Variants in ASXL3 observed in about 807,000 individuals in gnomAD.
ASXL3 encodes the protein ASXL transcriptional regulator 3, also known as putative Polycomb group protein ASXL3.
Under a neutral mutation model 170.6 loss-of-function variants are expected in ASXL3, and 34 were observed. The ratio of observed to expected loss-of-function variants is 0.20; its 90% CI spans 0.15 to 0.27. The LOEUF is 0.27. ASXL3 is among the 10% of genes least tolerant of loss of function. ASXL3 has a pLI of 1.00. For missense variants in ASXL3, 2,592 were observed against 2,695.3 expected, an observed-to-expected ratio of 0.96 and a Z score of 0.85; for synonymous variants, 1,002 against 989.1, an observed-to-expected ratio of 1.01 and a Z score of -0.24.
chr18:33,626,360 T>A (rs12962581), intron 2 of ASXL3, among the ~76,000 whole-genome samples: 150,830 of 152,232 alleles, frequency 0.99, 74,726 homozygotes, highest in East Asian at 1. Context: ...CAATCAGTCT[T>A]GAGCTCTTTG....
At chr18:33,643,164 T>C (rs1413921266) in intron 2 of ASXL3, among the ~76,000 whole-genome samples, 1 of 151,918 alleles carries the variant, frequency 6.6e-6, no homozygotes, top group Non-Finnish European at 1.5e-5. Context: ...ATAATCATTC[T>C]TAGCTTCAAA....
rs755541299 is a variant in ASXL3 at position 33,743,803 on chromosome 18, G to T, written c.3955G>T (p.Asp1319Tyr). The T allele has an allele frequency of 2.5e-6, 4 of 1,613,894 alleles. No individual in the cohort carries two copies. In the African/African-American group the frequency reaches 5.3e-5, roughly 22 times the overall value. Residue 1319 changes from aspartate to tyrosine, a missense_variant, in exon 12 of 12, where the codon GAT (aspartate) becomes TAT (tyrosine). Physicochemically the swap from Asp to Tyr is radical, Grantham distance 160. Coordinates refer to ENST00000269197, the MANE Select transcript of ASXL3 (RefSeq NM_030632.3). ...GGGCTCCAGCATATCAAGCTCCATG[G>T]ATGATAAGCAGTTACTAATATCAAG... ...TEGSSISSSM[D>Y]DKQLLISSSS...
chr18:33,740,215 A>G lies in ASXL3; in HGVS notation c.2811A>G (p.Ser937=), dbSNP rs778790950. Reference sequence around the variant, plus strand: ...GTACACAGAGTCGGTTAGAAACCTCACATACTTCCAAGTCATCAGAGCCCT... The same window carrying G: ...GTACACAGAGTCGGTTAGAAACCTCGCATACTTCCAAGTCATCAGAGCCCT... ...QGSTQSRLET[S]HTSKSSEPSK... is the part of the protein sequence containing the mutation. Residue 937 remains serine, a synonymous_variant, in exon 11 of 12, where the codon TCA becomes TCG. Coordinates refer to ENST00000269197, the MANE Select transcript of ASXL3 (RefSeq NM_030632.3). 1 of 1,613,864 alleles carries G rather than the reference A, an allele frequency of 6.2e-7. No individual in the cohort carries two copies. Among genetic ancestry groups the G allele is most frequent in the Non-Finnish European group, 8.5e-7 (1 of 1,179,828 alleles).
chr18:33,675,910 T>C (rs2066417664), intron 7 of ASXL3, among the ~76,000 whole-genome samples: 1 of 151,896 alleles, frequency 6.6e-6, no homozygotes, highest in Non-Finnish European at 1.5e-5. Context: ...TTTTAAATGT[T>C]AAGTTGAAAA....
intron 5 of ASXL3, among the ~76,000 whole-genome samples, chr18:33,663,066 T>C (rs1187742267): frequency 1.3e-5 from 2 of 152,220 alleles, no homozygotes; most frequent in African/African-American, 4.8e-5. Context: ...TTTGGAAAGC[T>C]TGCCACTTAC....
At chr18:33,707,748 CTT>C (rs766121667) in intron 8 of ASXL3, among the ~76,000 whole-genome samples, 101 of 151,940 alleles carry the variant, frequency 6.6e-4, no homozygotes, top group Non-Finnish European at 1.1e-3. Context: ...TGTTTTTAAA[CTT>C]CGGTTTAAAG....
rs548234408 is a variant in ASXL3, at chr18:33,619,931, C to T, written c.137+12255C>T. ...TAACATCGTTTTTCCTTTTGAGATACGTGTCTAGGCAAAGAAAAGGAGGCC... is the reference window on the plus strand; with the variant it reads ...TAACATCGTTTTTCCTTTTGAGATATGTGTCTAGGCAAAGAAAAGGAGGCC... On this transcript the variant is annotated intron_variant, in intron 2 of 11. Transcript: ENST00000269197. 5.9e-5 allele frequency among the ~76,000 whole-genome samples: 9 copies of T among 152,112 alleles called. No individual in the cohort carries two copies. In the South Asian group the frequency reaches 1.2e-3, roughly 21 times the overall value.
intron 8 of ASXL3, among the ~76,000 whole-genome samples, chr18:33,707,893 C>T (rs915042490): frequency 1.3e-5 from 2 of 152,126 alleles, no homozygotes; most frequent in Admixed American, 6.5e-5. Flanking sequence ...TTCTGTATCT[C>T]TTAAGATGAT....
intron 9 of ASXL3, among the ~76,000 whole-genome samples, chr18:33,732,382 G>T (rs889833385): frequency 6.6e-6 from 1 of 152,250 alleles, no homozygotes; most frequent in Admixed American, 6.5e-5. Flanking sequence ...GGCACCTAAA[G>T]AAACTTCTTT....
At position 33,739,654 on chromosome 18, in the gene ASXL3, A is replaced by C. The variant is rs1341876592; in HGVS notation, c.2250A>C (p.Ser750=). 6.2e-7 allele frequency: 1 copy of C among 1,613,926 alleles called. No individual in the cohort carries two copies. Among genetic ancestry groups the C allele is most frequent in the Admixed American group, 1.7e-5 (1 of 60,020 alleles). The change falls in exon 11 of 12, where the codon TCA becomes TCC. Residue 750 remains serine (S), a synonymous_variant. Coordinates refer to ENST00000269197, the MANE Select transcript of ASXL3 (RefSeq NM_030632.3). ...TTGTATCCAGTTTGCCACTTCCTTC[A>C]GAAACATCTCCAATTTCCAACTCTT... The part of the protein sequence containing the change: ...TTFVSSLPLP[S]ETSPISNSSI...
At chr18:33,579,500 A>C (rs2145084265) in intron 1 of ASXL3, among the ~76,000 whole-genome samples, 1 of 152,158 alleles carries the variant, frequency 6.6e-6, no homozygotes, top group South Asian at 2.1e-4. Flanking sequence ...AACCTTTCGG[A>C]GCTTACGTTT....
intron 8 of ASXL3, among the ~76,000 whole-genome samples, chr18:33,720,781 T>G (rs1357452718): frequency 1.3e-5 from 2 of 152,166 alleles, no homozygotes; most frequent in Non-Finnish European, 2.9e-5. Flanking sequence ...TTGTTTTTAC[T>G]GATTTTGCCA....
intron 8 of ASXL3, among the ~76,000 whole-genome samples, chr18:33,722,221 G>T (rs779369612): frequency 2.0e-5 from 3 of 152,056 alleles, no homozygotes; most frequent in Non-Finnish European, 2.9e-5. Flanking sequence ...GAAAGAAAAA[G>T]TTGCATAAGT....
intron 8 of ASXL3, among the ~76,000 whole-genome samples, chr18:33,713,928 A>C (rs2067123486): frequency 6.6e-6 from 1 of 152,210 alleles, no homozygotes; most frequent in African/African-American, 2.4e-5. Flanking sequence ...AACCCATGCA[A>C]AACTTCAGTG....
At chr18:33,648,513 C>T (rs1421352518) in intron 4 of ASXL3, among the ~76,000 whole-genome samples, 1 of 151,956 alleles carries the variant, frequency 6.6e-6, no homozygotes, top group Admixed American at 6.6e-5. Flanking sequence ...ATCAGGAGCT[C>T]AGTTCTGGAC....
At chr18:33,633,311 A>AT (rs2065708274) in intron 2 of ASXL3, among the ~76,000 whole-genome samples, 1 of 152,172 alleles carries the variant, frequency 6.6e-6, no homozygotes, top group Admixed American at 6.5e-5. Flanking sequence ...CACTTTTTTC[A>AT]TGGATGAAAT....
chr18:33,647,333 G>A (rs1286201172), intron 4 of ASXL3, among the ~76,000 whole-genome samples: 1 of 152,060 alleles, frequency 6.6e-6, no homozygotes, highest in Non-Finnish European at 1.5e-5. Context: ...CTGTAGCAAA[G>A]GTTGTGAATT....
chr18:33,579,606 C>T (rs1271288249), intron 1 of ASXL3, among the ~76,000 whole-genome samples: 1 of 151,976 alleles, frequency 6.6e-6, no homozygotes, highest in Non-Finnish European at 1.5e-5. Flanking sequence ...TTTTTCTTTT[C>T]TTTCTTTCTT....
chr18:33,724,916 T>A (rs184089210), intron 8 of ASXL3, among the ~76,000 whole-genome samples: 15 of 152,312 alleles, frequency 9.8e-5, no homozygotes, highest in Non-Finnish European at 1.6e-4. Flanking sequence ...TTTAACAGCC[T>A]TCTTTCATTT....
Sources: allele counts gnomAD v4.1 joint callset (sites outside exome capture counted in the v4.1 genomes callset), GRCh38; gene constraint gnomAD v4.1.1; transcripts MANE v1.5; gene names NCBI Gene and HGNC (gene_info 2026-07-23, HGNC 2026-07-21).